The following ARHGAP8 variants were observed in gnomAD, a reference collection of about 807,000 sequenced individuals.
ARHGAP8 encodes the protein rho GTPase-activating protein 8.
In ARHGAP8, 62 loss-of-function variants were observed where a neutral mutation model predicts 46.1. The ratio of observed to expected loss-of-function variants is 1.34; its 90% CI spans 1.10 to 1.66. The LOEUF (loss-of-function observed/expected upper bound fraction) is 1.66. Among genes scored for constraint, ARHGAP8 ranks in the 40% most tolerant of loss-of-function variants. The pLI is 0.00. For missense variants in ARHGAP8, 923 were observed against 568.4 expected (o/e 1.62, Z -6.34); for synonymous variants, 375 against 243.1 (o/e 1.54, Z -5.05).
intron 1 of ARHGAP8, among the ~76,000 whole-genome samples, chr22:44,759,828 C>T (rs1924988949): frequency 6.6e-6 from 1 of 152,224 alleles, no homozygotes; most frequent in Non-Finnish European, 1.5e-5. Flanking sequence ...TGGGCGGGCC[C>T]TGGGAGGCGG....
chr22:44,857,693 T>A (rs1038192340), intron 10 of ARHGAP8, among the ~76,000 whole-genome samples: 1 of 152,028 alleles, frequency 6.6e-6, no homozygotes, highest in Non-Finnish European at 1.5e-5. Context: ...CATAGGATGA[T>A]CTCATGGCCT....
rs150071473 is a variant in ARHGAP8, at chr22:44,841,686, G to A, written c.597-3583G>A. The stretch of plus-strand genomic sequence containing the variant: ...CAGCAGGGGCTCGGCCCACCTCCAT[G>A]TACCTGCATTTTGGTACCGGGCTGA... On this transcript the variant is annotated intron_variant, in intron 7 of 11. Coordinates refer to ENST00000356099, the MANE Select transcript of ARHGAP8 (RefSeq NM_181335.3). Among the ~76,000 whole-genome samples the A allele has an allele frequency of 1.5e-3, 226 of 152,324 alleles. 1 individual carries two copies. The highest frequency in any genetic ancestry group is 2.4e-3 in the Non-Finnish European group (163 of 68,020).
chr22:44,799,588 C>T (rs1928336352), intron 2 of ARHGAP8, among the ~76,000 whole-genome samples: 1 of 152,048 alleles, frequency 6.6e-6, no homozygotes, highest in African/African-American at 2.4e-5. Context: ...TCTCCGTGTT[C>T]CCCACTCCTG....
Position 44,862,754 on chromosome 22 carries a change from G to A in ARHGAP8, c.*159G>A, listed in dbSNP as rs2070564592. On this transcript the variant is annotated 3_prime_UTR_variant, in exon 12 of 12. Coordinates refer to ENST00000356099, the MANE Select transcript of ARHGAP8 (RefSeq NM_181335.3). ...CTCTGGTCCTTGGACTCTTGTCCAT[G>A]GTTCCTGAGCTGTGGACCGGGATAG... 4.4e-6 allele frequency: 4 copies of A among 899,136 alleles called. No homozygotes were observed. The highest frequency in any genetic ancestry group is 2.7e-5 in the East Asian group (1 of 37,282). 55.7% of individuals were successfully genotyped at this position (899,136 alleles called of 1,614,324 possible).
intron 7 of ARHGAP8, among the ~76,000 whole-genome samples, chr22:44,838,744 C>G (rs948626863): frequency 1.3e-5 from 2 of 152,200 alleles, no homozygotes; most frequent in African/African-American, 4.8e-5. Context: ...GATGCAGGCT[C>G]TCCAGCTGCG....
At chr22:44,769,999 A>G (rs931822790) in intron 1 of ARHGAP8, among the ~76,000 whole-genome samples, 2 of 152,198 alleles carry the variant, frequency 1.3e-5, no homozygotes, top group African/African-American at 2.4e-5. Context: ...TAATGCCAGC[A>G]CTTTGGGAGG....
intron 1 of ARHGAP8, among the ~76,000 whole-genome samples, chr22:44,779,247 C>T (rs1207941237): frequency 6.6e-6 from 1 of 151,734 alleles, no homozygotes; most frequent in African/African-American, 2.4e-5. Flanking sequence ...TTACAGGTCC[C>T]CACCATCCAC....
chr22:44,850,217 C>T (rs1353668432), intron 10 of ARHGAP8: 6 of 152,298 alleles, frequency 3.9e-5, no homozygotes, highest in South Asian at 2.1e-4. Flanking sequence ...AATGCAACGC[C>T]CTTTCTGAGA....
At chr22:44,821,899 A>T (rs136661) in intron 5 of ARHGAP8, among the ~76,000 whole-genome samples, 1 of 152,088 alleles carries the variant, frequency 6.6e-6, no homozygotes, top group African/African-American at 2.4e-5. Flanking sequence ...GGAGAGCCTC[A>T]TTGGTTCCTC....
chr22:44,769,972 G>A (rs983109531), intron 1 of ARHGAP8, among the ~76,000 whole-genome samples: 4 of 152,102 alleles, frequency 2.6e-5, no homozygotes, highest in African/African-American at 7.2e-5. Flanking sequence ...AATGATTGGC[G>A]CAGTGGCTCA....
chr22:44,792,407 C>T (rs1348679608), intron 2 of ARHGAP8, among the ~76,000 whole-genome samples: 1 of 152,194 alleles, frequency 6.6e-6, no homozygotes, highest in Non-Finnish European at 1.5e-5. Flanking sequence ...TCTCCCCTTC[C>T]TCCTCCTGGG....
chr22:44,801,290 GCTGT>G (rs1305868349), intron 2 of ARHGAP8, among the ~76,000 whole-genome samples: 1 of 96,372 alleles, frequency 1.0e-5, no homozygotes, highest in Non-Finnish European at 2.1e-5. Flanking sequence ...TCTCCCCGCA[GCTGT>G]CTTTGTGTGG....
intron 4 of ARHGAP8, among the ~76,000 whole-genome samples, chr22:44,810,817 C>A (rs1318719682): frequency 1.3e-5 from 2 of 152,016 alleles, no homozygotes; most frequent in Non-Finnish European, 2.9e-5. Context: ...TGGAGGGAGG[C>A]AGCAAAGGAG....
chr22:44,829,118 CAAAAAAAA>C lies in ARHGAP8; in HGVS notation c.596+3544_596+3551del, dbSNP rs57906111. 6.7e-4 allele frequency among the ~76,000 whole-genome samples: 33 copies of C among 49,378 alleles called. No homozygotes were observed. In the South Asian group the frequency reaches 0.031, roughly 47 times the overall value. 32.4% of individuals were successfully genotyped at this position (49,378 alleles called of 152,430 possible). On this transcript the variant is annotated intron_variant, in intron 7 of 11. Coordinates refer to ENST00000356099, the MANE Select transcript of ARHGAP8 (RefSeq NM_181335.3). ...TGAAACCCTATCTCTACTAAAAATA[CAAAAAAAA>C]AAAAAAAAAAAAAAAAAAGTTGGGC...
At chr22:44,862,070 G>A (rs906999050) in intron 11 of ARHGAP8, among the ~76,000 whole-genome samples, 9 of 152,224 alleles carry the variant, frequency 5.9e-5, no homozygotes, top group South Asian at 2.1e-4. Context: ...TCCAGGACAT[G>A]GAGGCCAAGC....
chr22:44,835,835 G>A (rs917582019), intron 7 of ARHGAP8, among the ~76,000 whole-genome samples: 1 of 152,178 alleles, frequency 6.6e-6, no homozygotes, highest in African/African-American at 2.4e-5. Flanking sequence ...TGTCAGAAAA[G>A]AACTGGTAAG....
Position 44,802,097 on chromosome 22 carries a change from C to A in ARHGAP8, c.100C>A (p.Arg34Ser). 5.6e-6 allele frequency: 9 copies of A among 1,614,158 alleles called. No homozygotes were observed. Among genetic ancestry groups the A allele is most frequent in the Non-Finnish European group, 7.6e-6 (9 of 1,179,992 alleles). ...QVAGDDRFGRRVVTFSCCRMP... is the reference protein window; with the variant it reads ...QVAGDDRFGRSVVTFSCCRMP... Reference sequence around the variant, plus strand: ...TCCAGGGGATGACCGCTTTGGAAGACGTGTTGTCACGTTCAGCTGCTGCCG... The same window carrying A: ...TCCAGGGGATGACCGCTTTGGAAGAAGTGTTGTCACGTTCAGCTGCTGCCG... The change falls in exon 3 of 12, where the codon CGT becomes AGT. Residue 34 changes from arginine to serine, a missense_variant. Physicochemically the swap from Arg to Ser is moderately radical, Grantham distance 110. Transcript: ENST00000356099.
intron 4 of ARHGAP8, 41 bp downstream of exon 4, chr22:44,808,479 C>T: frequency 1.9e-6 from 3 of 1,607,578 alleles, no homozygotes; most frequent in Non-Finnish European, 1.7e-6. Context: ...GTGTGGGCTG[C>T]TTGTGGCAGG....
chr22:44,852,189 CAAAAAAAAAAAAAAAAAA>C (rs58207915), intron 10 of ARHGAP8, among the ~76,000 whole-genome samples: 22 of 76,022 alleles, frequency 2.9e-4, no homozygotes, highest in African/African-American at 1.3e-3. Flanking sequence ...GAGACTTTGT[CAAAAAAAAAAAAAAAAAA>C]AAAAAAAAAA....
Sources: gnomAD v4.1 joint callset for allele counts (sites outside exome capture counted in the v4.1 genomes callset) on GRCh38, gnomAD v4.1.1 for gene constraint, MANE v1.5 for transcripts, NCBI Gene and HGNC (gene_info 2026-07-23, HGNC 2026-07-21) for gene names.